Variants in NTNG2 observed in about 807,000 individuals in gnomAD.
The protein encoded by NTNG2 is netrin-G2.
A neutral mutation model predicts 47.6 loss-of-function variants in NTNG2; 15 were observed. That is an observed-to-expected ratio of 0.32 (90% CI 0.21 to 0.49). The LOEUF (loss-of-function observed/expected upper bound fraction) is 0.49. Among genes scored for constraint, NTNG2 ranks in the 20% least tolerant of loss-of-function variants. NTNG2 has a pLI of 0.99. For missense variants in NTNG2, 578 were observed against 764.6 expected (o/e 0.76, Z 2.88); for synonymous variants, 307 against 324.6 (o/e 0.95, Z 0.58).
At chr9:132,210,623 G>T (rs1273933176) in intron 3 of NTNG2, among the ~76,000 whole-genome samples, 1 of 152,172 alleles carries the variant, frequency 6.6e-6, no homozygotes, top group Admixed American at 6.5e-5. Flanking sequence ...CACCCGGCAG[G>T]CTCCTGTCCC....
chr9:132,189,286 A>G (rs1045874987), intron 2 of NTNG2, among the ~76,000 whole-genome samples: 3 of 151,450 alleles, frequency 2.0e-5, no homozygotes, highest in African/African-American at 7.3e-5. Flanking sequence ...TAGAGATGGC[A>G]TCTCCCTGTG....
chr9:132,184,372 C>T (rs1472987588), intron 2 of NTNG2, among the ~76,000 whole-genome samples: 3 of 152,196 alleles, frequency 2.0e-5, no homozygotes, highest in Non-Finnish European at 2.9e-5. Context: ...TGTCAGGCTC[C>T]GCCCCTGCCT....
intron 3 of NTNG2, 111 bp downstream of exon 3, chr9:132,198,720 T>C: frequency 8.8e-7 from 1 of 1,139,678 alleles, no homozygotes; most frequent in Non-Finnish European, 1.2e-6. Flanking sequence ...ATGACCGGGT[T>C]CTTGGGATGT....
chr9:132,225,870 G>A (rs1260519679), intron 3 of NTNG2, among the ~76,000 whole-genome samples: 3 of 152,130 alleles, frequency 2.0e-5, no homozygotes, highest in Middle Eastern at 3.2e-3. Flanking sequence ...CATTACTGCC[G>A]GAGTTTCCTC....
chr9:132,201,461 C>T (rs1039693390), intron 3 of NTNG2, among the ~76,000 whole-genome samples: 1 of 152,222 alleles, frequency 6.6e-6, no homozygotes, highest in Admixed American at 6.5e-5. Context: ...GGTTACCTCC[C>T]CTTTTCCCTC....
intron 3 of NTNG2, among the ~76,000 whole-genome samples, chr9:132,209,548 G>A (rs1394340963): frequency 2.0e-5 from 3 of 152,168 alleles, no homozygotes; most frequent in Non-Finnish European, 4.4e-5. Context: ...GTTCCTGCAG[G>A]GCAGCGGCCA....
At chr9:132,241,776 ACGG>A in intron 7 of NTNG2, 97 bp from the exon 8 acceptor site, 1 of 869,562 alleles carries the variant, frequency 1.2e-6, no homozygotes, top group Non-Finnish European at 1.7e-6. Context: ...CCCGGCCCAG[ACGG>A]CGCCCCCGGG....
At chr9:132,169,313 GGCAGGTGGACGGCAGCCTTTT>G (rs1489076317) in intron 2 of NTNG2, among the ~76,000 whole-genome samples, 3 of 152,240 alleles carry the variant, frequency 2.0e-5, no homozygotes, top group East Asian at 3.8e-4. Flanking sequence ...AGGCCGCCGT[GGCAGGTGGACGGCAGCCTTTT>G]GCAGGGCTGG....
intron 2 of NTNG2, among the ~76,000 whole-genome samples, chr9:132,176,067 TG>T (rs979424282): frequency 6.6e-6 from 1 of 152,130 alleles, no homozygotes; most frequent in African/African-American, 2.4e-5. Flanking sequence ...AACAACGTTT[TG>T]GTGGGTGCAG....
intron 3 of NTNG2, among the ~76,000 whole-genome samples, chr9:132,198,925 A>T (rs777214155): frequency 7.2e-5 from 11 of 152,066 alleles, no homozygotes; most frequent in Non-Finnish European, 8.8e-5. Flanking sequence ...TACCTGGGAC[A>T]TGACCTGGTT....
In NTNG2 at chr9:132,226,883, A is replaced by T; in HGVS notation, c.892A>T (p.Met298Leu). The T allele has an allele frequency of 6.2e-7, 1 of 1,611,450 alleles. No individual in the cohort carries two copies. Among genetic ancestry groups the T allele is most frequent in the South Asian group, 1.1e-5 (1 of 90,650 alleles). The change falls in exon 4 of 8, where the codon ATG becomes TTG. Residue 298 changes from methionine (M) to leucine (L), a missense_variant. Physicochemically the swap from Met to Leu is conservative, Grantham distance 15. Coordinates refer to ENST00000393229, the MANE Select transcript of NTNG2 (RefSeq NM_032536.4). This position sits in a 1 kb window ranked among gnomAD's most constrained non-coding sequence, Gnocchi z 4.8. ...CAACCTGCACGCCAACCTGTGCTCCATGCGCGAGGGCAGCCTGCAGTGCGA... is the reference window on the plus strand; with the variant it reads ...CAACCTGCACGCCAACCTGTGCTCCTTGCGCGAGGGCAGCCTGCAGTGCGA... ...KCNLHANLCS[M>L]REGSLQCECE...
chr9:132,167,648 A>G (rs749688051), intron 2 of NTNG2, among the ~76,000 whole-genome samples: 1 of 152,152 alleles, frequency 6.6e-6, no homozygotes, highest in Non-Finnish European at 1.5e-5. Context: ...TCCTACATGC[A>G]ATGATGGCAG....
intron 5 of NTNG2, among the ~76,000 whole-genome samples, chr9:132,234,618 T>A (rs1490438958): frequency 6.6e-6 from 1 of 152,214 alleles, no homozygotes; most frequent in Non-Finnish European, 1.5e-5. Flanking sequence ...CGCCTGCCAA[T>A]GTCAAGCTGT....
intron 5 of NTNG2, among the ~76,000 whole-genome samples, chr9:132,235,767 C>A (rs1469283524): frequency 6.6e-6 from 1 of 152,206 alleles, no homozygotes; most frequent in African/African-American, 2.4e-5. Flanking sequence ...CGGGGAAGCG[C>A]CCTCTTAGAC....
In NTNG2 at chr9:132,220,561, C is replaced by T. The variant is rs148367482; in HGVS notation, c.858-6288C>T. The stretch of plus-strand genomic sequence containing the variant: ...CTGCCTCCTGGGTTCAAGTGATTCT[C>T]ATGCCTCAGGACCTCCCAAGTAGTT... On this transcript the variant is annotated intron_variant, in intron 3 of 7. Transcript: ENST00000393229. Among the ~76,000 whole-genome samples, 180 of 151,554 alleles carry T rather than the reference C, an allele frequency of 1.2e-3. 2 individuals carry two copies. Among genetic ancestry groups the T allele is most frequent in the African/African-American group, 4.2e-3 (172 of 41,300 alleles).
Position 132,166,959 on chromosome 9 carries a change from T to G in NTNG2, c.128T>G (p.Val43Gly), listed in dbSNP as rs749814394. 1.9e-6 allele frequency: 3 copies of G among 1,614,204 alleles called. No individual in the cohort carries two copies. In the East Asian group the frequency reaches 6.7e-5, roughly 36 times the overall value. ...TWEFYACQPKVMRLKDYVKVK... is the reference protein window; with the variant it reads ...TWEFYACQPKGMRLKDYVKVK... ...GAGTTCTACGCCTGCCAGCCCAAGG[T>G]GATGCGCCTGAAGGACTACGTCAAG... The change falls in exon 2 of 8, where the codon GTG becomes GGG. Residue 43 changes from valine to glycine, a missense_variant. Transcript: ENST00000393229.
chr9:132,199,707 ACT>A (rs34201249), intron 3 of NTNG2, among the ~76,000 whole-genome samples: 14,288 of 152,012 alleles, frequency 0.094, 1,968 homozygotes, highest in African/African-American at 0.3. Flanking sequence ...AAACATGGAC[ACT>A]CTTCCTAGAC....
chr9:132,170,901 G>T (rs547242802), intron 2 of NTNG2, among the ~76,000 whole-genome samples: 1 of 152,318 alleles, frequency 6.6e-6, no homozygotes, highest in Non-Finnish European at 1.5e-5. Context: ...GCGCTGGGGT[G>T]GGGTTGGTCC....
intron 2 of NTNG2, among the ~76,000 whole-genome samples, chr9:132,183,735 C>T (rs1837120697): frequency 6.6e-6 from 1 of 152,212 alleles, no homozygotes; most frequent in Admixed American, 6.5e-5. Context: ...GGTAAAATAA[C>T]AGGAACAGTG....
Sources: gnomAD v4.1 joint callset for allele counts (sites outside exome capture counted in the v4.1 genomes callset) on GRCh38, gnomAD v4.1.1 for gene constraint, Gnocchi (gnomAD v3.1) non-coding constraint, MANE v1.5 for transcripts, NCBI Gene and HGNC (gene_info 2026-07-23, HGNC 2026-07-21) for gene names.